The following UNC5D variants were observed in gnomAD, a reference collection of about 807,000 sequenced individuals.
UNC5D encodes the protein netrin receptor UNC5D.
UNC5D carries 39 observed loss-of-function variants against 105.4 expected under a neutral mutation model. The ratio of observed to expected loss-of-function variants is 0.37; its 90% CI spans 0.29 to 0.48. The LOEUF (loss-of-function observed/expected upper bound fraction) is 0.48. Ranked by LOEUF, UNC5D falls within the 20% of genes least tolerant of loss-of-function variation. The probability of loss-of-function intolerance (pLI) is 0.98; values close to 1 mark genes in which losing one functional copy is unlikely to be tolerated. For missense variants in UNC5D, 991 were observed against 1,202.4 expected, an observed-to-expected ratio of 0.82 and a Z score of 2.60; for synonymous variants, 452 against 450.4, an observed-to-expected ratio of 1.00 and a Z score of -0.04.
intron 4 of UNC5D, among the ~76,000 whole-genome samples, chr8:35,622,751 C>T (rs1821436698): frequency 6.6e-6 from 1 of 152,124 alleles, no homozygotes; most frequent in Non-Finnish European, 1.5e-5. Flanking sequence ...TGTGTTTATT[C>T]TCACCTTGTA....
intron 3 of UNC5D, among the ~76,000 whole-genome samples, chr8:35,574,838 T>C (rs1183625524): frequency 6.6e-6 from 1 of 152,160 alleles, no homozygotes; most frequent in East Asian, 1.9e-4. Context: ...GTCTAGGATG[T>C]GGGACTCATT....
At chr8:35,476,509 T>C (rs757500584) in intron 1 of UNC5D, among the ~76,000 whole-genome samples, 7 of 152,224 alleles carry the variant, frequency 4.6e-5, no homozygotes, top group Non-Finnish European at 8.8e-5. Flanking sequence ...AGGAGATGTG[T>C]ATCTTTTGTG....
rs1803007276 is a variant in UNC5D, at chr8:35,790,839, G to A, written c.*276G>A. The A allele has an allele frequency of 2.1e-6, 1 of 471,864 alleles. No individual in the cohort carries two copies. The highest frequency in any genetic ancestry group is 3.4e-5 in the Admixed American group (1 of 29,422). The allele number at this position is 471,864 out of a possible 1,614,324, so 29.2% of individuals were successfully genotyped here. On this transcript the variant is annotated 3_prime_UTR_variant, in exon 17 of 17. Transcript: ENST00000404895. Reference sequence around the variant, plus strand: ...TGGAGTGGCAAGGATAAAAGTGAGGGCAGAAGTAGCTGTGGGAAAAGATGA... The same window carrying A: ...TGGAGTGGCAAGGATAAAAGTGAGGACAGAAGTAGCTGTGGGAAAAGATGA...
intron 3 of UNC5D, among the ~76,000 whole-genome samples, chr8:35,585,509 A>G (rs915085967): frequency 6.6e-6 from 1 of 151,046 alleles, no homozygotes; most frequent in Admixed American, 6.6e-5. Context: ...TATATAATAT[A>G]TTATTGCAAC....
chr8:35,509,582 C>G (rs1586009845), intron 1 of UNC5D, among the ~76,000 whole-genome samples: 1 of 145,262 alleles, frequency 6.9e-6, no homozygotes, highest in South Asian at 2.3e-4. Context: ...GCATTGGATA[C>G]TTTTCCCATC....
intron 1 of UNC5D, among the ~76,000 whole-genome samples, chr8:35,373,381 T>G (rs931643431): frequency 1.3e-5 from 2 of 152,208 alleles, no homozygotes; most frequent in African/African-American, 4.8e-5. Flanking sequence ...ACAATAGGCA[T>G]TTCTTTAAAA....
chr8:35,732,472 A>G (rs117370157), intron 11 of UNC5D, among the ~76,000 whole-genome samples: 5 of 152,312 alleles, frequency 3.3e-5, no homozygotes, highest in Admixed American at 6.5e-5. Context: ...GAGGCTCAGA[A>G]GGTTTGAAGA....
At chr8:35,272,655 G>A (rs1805494521) in intron 1 of UNC5D, among the ~76,000 whole-genome samples, 1 of 152,148 alleles carries the variant, frequency 6.6e-6, no homozygotes, top group African/African-American at 2.4e-5. Flanking sequence ...CTGTGCACCA[G>A]CTGCCGCAGT....
chr8:35,381,514 C>A (rs1803040829), intron 1 of UNC5D, among the ~76,000 whole-genome samples: 1 of 152,156 alleles, frequency 6.6e-6, no homozygotes, highest in Non-Finnish European at 1.5e-5. Context: ...GCAGCAGAAT[C>A]TTCTGCAGAC....
intron 1 of UNC5D, among the ~76,000 whole-genome samples, chr8:35,295,941 A>G (rs187409069): frequency 1.1e-3 from 171 of 152,226 alleles, no homozygotes; most frequent in Non-Finnish European, 1.7e-3. Context: ...TTTCCCTGTC[A>G]GGCTTATTTT....
intron 1 of UNC5D, among the ~76,000 whole-genome samples, chr8:35,326,622 C>A (rs1469558772): frequency 6.6e-6 from 1 of 152,048 alleles, no homozygotes; most frequent in Admixed American, 6.6e-5. Context: ...AGCTTGGAGG[C>A]ACAAGCCTGT....
intron 1 of UNC5D, among the ~76,000 whole-genome samples, chr8:35,359,780 A>G (rs921547244): frequency 6.6e-6 from 1 of 152,212 alleles, no homozygotes; most frequent in African/African-American, 2.4e-5. Context: ...TTTAGTGTCT[A>G]AAATTATGAA....
Position 35,722,361 on chromosome 8 carries a change from C to CT in UNC5D, c.1271dup (p.Gln425ProfsTer12), listed in dbSNP as rs1414459125. 1.9e-5 allele frequency: 31 copies of CT among 1,613,970 alleles called. No individual in the cohort carries two copies. The highest frequency in any genetic ancestry group is 2.6e-5 in the Non-Finnish European group (31 of 1,179,996). On this transcript the variant is annotated frameshift_variant, in exon 9 of 17. Coordinates refer to ENST00000404895, the MANE Select transcript of UNC5D (RefSeq NM_080872.4). LOFTEE classifies it high-confidence loss of function. ...TTGACTCTTCTGCATTGACAGGTGG[C>CT]TTCCAGACCTTCAACTTCAAAACAG...
intron 1 of UNC5D, among the ~76,000 whole-genome samples, chr8:35,475,328 C>T (rs1371962104): frequency 6.6e-6 from 1 of 152,146 alleles, no homozygotes; most frequent in Non-Finnish European, 1.5e-5. Flanking sequence ...GTTAGGCATG[C>T]CTACACAGTA....
chr8:35,787,093 GAC>G (rs952849844), intron 16 of UNC5D, among the ~76,000 whole-genome samples: 22 of 152,094 alleles, frequency 1.4e-4, no homozygotes, highest in African/African-American at 5.3e-4. Context: ...CAGCAACACG[GAC>G]CACATGTGGC....
At chr8:35,433,042 C>G (rs896080817) in intron 1 of UNC5D, among the ~76,000 whole-genome samples, 2 of 151,930 alleles carry the variant, frequency 1.3e-5, no homozygotes, top group African/African-American at 4.8e-5. Context: ...AGTGTTGGCA[C>G]TTAACTTTTT....
chr8:35,361,775 C>G (rs1405219584), intron 1 of UNC5D, among the ~76,000 whole-genome samples: 1 of 152,158 alleles, frequency 6.6e-6, no homozygotes, highest in East Asian at 1.9e-4. Flanking sequence ...ACAGCTTTAA[C>G]TGGCCATCTG....
chr8:35,478,588 C>T (rs1810269464), intron 1 of UNC5D, among the ~76,000 whole-genome samples: 1 of 152,144 alleles, frequency 6.6e-6, no homozygotes, highest in Non-Finnish European at 1.5e-5. Context: ...AAAATTTCAA[C>T]CATAAGACCA....
Position 35,568,001 on chromosome 8 carries a change from T to C in UNC5D, c.323-97T>C. On this transcript the variant is annotated intron_variant, in intron 2 of 16. Coordinates refer to ENST00000404895, the MANE Select transcript of UNC5D (RefSeq NM_080872.4). ...ACCTTGCCTTGATTAAAAACAGGAT[T>C]GTTTAATTAAAAAGAAAAGGTTTGG... The C allele has an allele frequency of 2.6e-6, 4 of 1,513,218 alleles. No homozygotes were observed. In the Admixed American group the frequency reaches 6.4e-5, roughly 24 times the overall value. The allele number at this position is 1,513,218 out of a possible 1,614,324, so 93.7% of individuals were successfully genotyped here.
Sources: gnomAD v4.1 joint callset for allele counts (sites outside exome capture counted in the v4.1 genomes callset) on GRCh38, gnomAD v4.1.1 for gene constraint, MANE v1.5 for transcripts, NCBI Gene and HGNC (gene_info 2026-07-23, HGNC 2026-07-21) for gene names.